Variants in ACBD5 observed in about 807,000 individuals in gnomAD.
ACBD5 encodes the protein acyl-CoA binding domain containing 5, also known as acyl-CoA-binding domain-containing protein 5.
Under a neutral mutation model 71.8 loss-of-function variants are expected in ACBD5, and 40 were observed. That is an observed-to-expected ratio of 0.56 (90% CI 0.43 to 0.72). The LOEUF (loss-of-function observed/expected upper bound fraction) is 0.72. Among genes scored for constraint, ACBD5 ranks in the 30% least tolerant of loss-of-function variants. The pLI, the probability that ACBD5 is intolerant of heterozygous loss-of-function variation, is 0.00. For synonymous variants in ACBD5, 229 were observed against 218.6 expected, an observed-to-expected ratio of 1.05 and a Z score of -0.42; for missense variants, 559 against 644.5, an observed-to-expected ratio of 0.87 and a Z score of 1.44.
chr10:27,229,993 T>C (rs1174684838), intron 4 of ACBD5, among the ~76,000 whole-genome samples: 3 of 152,016 alleles, frequency 2.0e-5, no homozygotes, highest in Admixed American at 6.6e-5. Context: ...GGCTATACCA[T>C]TAATTAACAC....
chr10:27,233,053 A>G (rs2064108788), intron 3 of ACBD5, among the ~76,000 whole-genome samples: 1 of 152,210 alleles, frequency 6.6e-6, no homozygotes, highest in Non-Finnish European at 1.5e-5. Flanking sequence ...GAACTAAGAA[A>G]TCTTAAAACA....
chr10:27,240,600 C>A lies in ACBD5; in HGVS notation c.15+74G>T. 6.4e-7 allele frequency: 1 copy of A among 1,551,096 alleles called. No individual in the cohort carries two copies. ...TCCAGGCCACACAGATCGAAGCGGC[C>A]CGGCTCCTTCCTCCTCCCCCGGGGC... On this transcript the variant is annotated intron_variant, in intron 1 of 12. Coordinates refer to ENST00000396271, the MANE Select transcript of ACBD5 (RefSeq NM_145698.5). The surrounding 1 kb of genome is among the most constrained non-coding windows in gnomAD (Gnocchi z 4.1).
chr10:27,210,860 C>T lies in ACBD5; in HGVS notation c.1158G>A (p.Lys386=). 6.2e-7 allele frequency: 1 copy of T among 1,614,222 alleles called. No homozygotes were observed. Among genetic ancestry groups the T allele is most frequent in the Non-Finnish European group, 8.5e-7 (1 of 1,180,040 alleles). The change falls in exon 9 of 13, where the codon AAG becomes AAA. Residue 386 remains lysine (K), a synonymous_variant. Transcript: ENST00000396271. ...AGAATTCGTCAGTTTCTCCGCCTCGCTTCTCCCGGTGTGGTGCTCCGCTGT... is the reference window on the plus strand; with the variant it reads ...AGAATTCGTCAGTTTCTCCGCCTCGTTTCTCCCGGTGTGGTGCTCCGCTGT... ...RNNSGAPHRE[K]RGGETDEFSN...
chr10:27,186,879 T>G, intron 13 of ACBD5: 1 of 310,268 alleles, frequency 3.2e-6, no homozygotes. Context: ...CAGTTCACTG[T>G]TCAGTTTAGC....
chr10:27,186,238 C>A, intron 13 of ACBD5: 1 of 871,454 alleles, frequency 1.1e-6, no homozygotes, highest in Non-Finnish European at 1.9e-6. Context: ...GCCTAACAGA[C>A]ATTAAACAAA....
chr10:27,219,192 A>AGT (rs1458034971), intron 6 of ACBD5, among the ~76,000 whole-genome samples: 2 of 151,778 alleles, frequency 1.3e-5, no homozygotes, highest in African/African-American at 4.8e-5. Context: ...ATCCCAGCTA[A>AGT]TTGCGAGGCT....
intron 13 of ACBD5, among the ~76,000 whole-genome samples, chr10:27,185,578 A>G (rs1261758287): frequency 6.9e-6 from 1 of 144,172 alleles, no homozygotes; most frequent in African/African-American, 2.6e-5. Context: ...GTTTGCAGTG[A>G]GCCGAGATTG....
At chr10:27,234,978 C>G in intron 3 of ACBD5, 114 bp downstream of exon 3, 2 of 1,084,248 alleles carry the variant, frequency 1.8e-6, no homozygotes, top group Non-Finnish European at 2.7e-6. Context: ...AAAATTGTAC[C>G]CAATACCTAG....
intron 4 of ACBD5, among the ~76,000 whole-genome samples, chr10:27,230,408 C>T (rs571825362): frequency 3.3e-5 from 5 of 152,092 alleles, no homozygotes; most frequent in South Asian, 2.1e-4. Flanking sequence ...TTCCTTTTTA[C>T]AGATTTTCTT....
intron 8 of ACBD5, among the ~76,000 whole-genome samples, chr10:27,215,295 ATATATG>A (rs2061504396): frequency 6.6e-6 from 1 of 152,122 alleles, no homozygotes; most frequent in Admixed American, 6.6e-5. Context: ...ATATTTATAA[ATATATG>A]TATATTATTA....
chr10:27,222,222 G>T (rs954194948), intron 5 of ACBD5, among the ~76,000 whole-genome samples: 1 of 151,972 alleles, frequency 6.6e-6, no homozygotes, highest in East Asian at 1.9e-4. Context: ...GATGCCAGGC[G>T]ATTTTTATTT....
chr10:27,235,269 T>A (rs961585145), intron 2 of ACBD5, 57 bp from the exon 3 acceptor site: 2 of 1,597,198 alleles, frequency 1.3e-6, no homozygotes, highest in African/African-American at 2.7e-5. Flanking sequence ...GATAATCAGG[T>A]TATAAATTAG....
At chr10:27,228,805 A>ATTT (rs1564691008) in intron 4 of ACBD5, among the ~76,000 whole-genome samples, 9 of 4,598 alleles carry the variant, frequency 2.0e-3, no homozygotes, top group African/African-American at 3.3e-3. Flanking sequence ...ATATATATAT[A>ATTT]TATATATATA....
rs143804735 is a variant in ACBD5, at chr10:27,184,912, G to C, written c.1494-2197C>G. On this transcript the variant is annotated intron_variant, in intron 13 of 13. Coordinates refer to the ACBD5 transcript ENST00000676511. ...TAGAAGGAAATAGGAACAATGACAG[G>C]TAATGAAATGGCAGTAAAGAGGTGA... Among the ~76,000 whole-genome samples, 1,106 of 152,246 alleles carry C rather than the reference G, an allele frequency of 7.3e-3. 11 individuals are homozygous for C. Among genetic ancestry groups the C allele is most frequent in the African/African-American group, 0.026 (1,063 of 41,538 alleles).
intron 4 of ACBD5, 49 bp downstream of exon 4, chr10:27,231,699 A>T: frequency 3.9e-6 from 6 of 1,546,072 alleles, no homozygotes; most frequent in Middle Eastern, 1.7e-4. Flanking sequence ...ACCAAATTAA[A>T]TTAGAGCTGC....
intron 2 of ACBD5, among the ~76,000 whole-genome samples, chr10:27,235,610 A>T: frequency 6.6e-6 from 1 of 152,196 alleles, no homozygotes; most frequent in South Asian, 2.1e-4. Flanking sequence ...GTAAGTGAAA[A>T]AGTTATATGT....
Position 27,198,777 on chromosome 10 carries a change from G to A in ACBD5, c.1566-1335C>T, listed in dbSNP as rs564105054. Among the ~76,000 whole-genome samples, 286 of 152,224 alleles carry A rather than the reference G, an allele frequency of 1.9e-3. 1 individual carries two copies. Among genetic ancestry groups the A allele is most frequent in the Non-Finnish European group, 3.3e-3 (226 of 68,018 alleles). On this transcript the variant is annotated intron_variant, in intron 12 of 12. Transcript: ENST00000396271. ...TTAGCAACACTTATTAAGAATCTGCGGGATGCAGATTACTACACACAATCC... is the reference window on the plus strand; with the variant it reads ...TTAGCAACACTTATTAAGAATCTGCAGGATGCAGATTACTACACACAATCC...
At chr10:27,209,145 G>C (rs1209698718) in intron 9 of ACBD5, among the ~76,000 whole-genome samples, 1 of 151,366 alleles carries the variant, frequency 6.6e-6, no homozygotes, top group Non-Finnish European at 1.5e-5. Context: ...GACTGGTCTC[G>C]AATGCTTGGG....
At chr10:27,199,220 G>A (rs2059668856) in intron 12 of ACBD5, among the ~76,000 whole-genome samples, 1 of 149,948 alleles carries the variant, frequency 6.7e-6, no homozygotes, top group Non-Finnish European at 1.5e-5. Flanking sequence ...ATGGAGTCTC[G>A]CTCTGTCGCC....
Sources: gnomAD v4.1 joint callset for allele counts (sites outside exome capture counted in the v4.1 genomes callset) on GRCh38, gnomAD v4.1.1 for gene constraint, Gnocchi (gnomAD v3.1) non-coding constraint, MANE v1.5 for transcripts, NCBI Gene and HGNC (gene_info 2026-07-23, HGNC 2026-07-21) for gene names.